Variants in ERBB4 observed in about 807,000 individuals in gnomAD.
ERBB4 encodes erb-b2 receptor tyrosine kinase 4.
ERBB4 carries 42 observed loss-of-function variants against 158.0 expected under a neutral mutation model. The observed-to-expected ratio is 0.27, with a 90% CI of 0.21 to 0.34. The LOEUF is 0.34. ERBB4 is among the 10% of genes least tolerant of loss of function. ERBB4 has a pLI of 1.00. For synonymous variants in ERBB4, 583 were observed against 558.7 expected (o/e 1.04, Z -0.61); for missense variants, 1,333 against 1,624.1 (o/e 0.82, Z 3.08).
chr2:212,071,108 G>T (rs562869011), intron 2 of ERBB4, among the ~76,000 whole-genome samples: 1 of 151,746 alleles, frequency 6.6e-6, no homozygotes, highest in African/African-American at 2.4e-5. Flanking sequence ...GAAGAGGGGG[G>T]TGTTACAAAA....
intron 18 of ERBB4, among the ~76,000 whole-genome samples, chr2:211,623,264 T>C (rs1364192541): frequency 1.3e-5 from 2 of 151,772 alleles, no homozygotes; most frequent in African/African-American, 2.4e-5. Flanking sequence ...ATATCTCTTA[T>C]TGAAAACACA....
At chr2:212,257,334 G>A (rs1402762) in intron 1 of ERBB4, among the ~76,000 whole-genome samples, 58,587 of 151,968 alleles carry the variant, frequency 0.39, 13,201 homozygotes, top group East Asian at 0.74. Flanking sequence ...TCTATGTTTT[G>A]TAATTCTGAA....
intron 25 of ERBB4, among the ~76,000 whole-genome samples, chr2:211,398,832 G>GAAACA (rs564796286): frequency 3.3e-5 from 5 of 152,118 alleles, no homozygotes; most frequent in African/African-American, 1.2e-4. Context: ...CTCTGGCTCA[G>GAAACA]AAACAAAACA....
At chr2:212,170,375 T>C (rs1575741233) in intron 1 of ERBB4, among the ~76,000 whole-genome samples, 2 of 152,214 alleles carry the variant, frequency 1.3e-5, no homozygotes, top group South Asian at 4.1e-4. Flanking sequence ...AAGCAGAGTA[T>C]AAAAGTTTGG....
At chr2:212,074,994 C>T (rs2078232276) in intron 2 of ERBB4, among the ~76,000 whole-genome samples, 1 of 151,888 alleles carries the variant, frequency 6.6e-6, no homozygotes, top group Non-Finnish European at 1.5e-5. Context: ...GTTCAAGTTC[C>T]TAGCTAAATT....
At chr2:212,101,562 C>T (rs1018732119) in intron 2 of ERBB4, among the ~76,000 whole-genome samples, 9 of 151,514 alleles carry the variant, frequency 5.9e-5, no homozygotes, top group Non-Finnish European at 1.3e-4. Flanking sequence ...AAATAATATT[C>T]TAAAGAGCTC....
chr2:212,358,857 T>C (rs1187661446), intron 1 of ERBB4, among the ~76,000 whole-genome samples: 1 of 151,744 alleles, frequency 6.6e-6, no homozygotes, highest in Non-Finnish European at 1.5e-5. Flanking sequence ...TTATGAAACC[T>C]TGTATGTCAA....
intron 2 of ERBB4, among the ~76,000 whole-genome samples, chr2:211,967,193 T>G (rs1352918839): frequency 1.3e-5 from 2 of 152,078 alleles, no homozygotes; most frequent in Admixed American, 6.6e-5. Flanking sequence ...CATTCCCTCA[T>G]TTCCTCATTC....
At chr2:211,749,857 T>A (rs1166145540) in intron 5 of ERBB4, among the ~76,000 whole-genome samples, 1 of 152,156 alleles carries the variant, frequency 6.6e-6, no homozygotes, top group Non-Finnish European at 1.5e-5. Context: ...ATTTTTTCCA[T>A]ATCATATTTC....
At chr2:212,209,095 A>T (rs1474900199) in intron 1 of ERBB4, among the ~76,000 whole-genome samples, 2 of 152,090 alleles carry the variant, frequency 1.3e-5, no homozygotes, top group African/African-American at 4.8e-5. Flanking sequence ...TATATTAGAG[A>T]CTTTCTGACC....
intron 1 of ERBB4, among the ~76,000 whole-genome samples, chr2:212,158,895 T>C (rs1301425695): frequency 6.6e-6 from 1 of 151,972 alleles, no homozygotes; most frequent in Admixed American, 6.6e-5. Flanking sequence ...TACAATATTA[T>C]AGCATACAGA....
Position 212,008,307 on chromosome 2 carries a change from T to C in ERBB4, c.235-60691A>G, listed in dbSNP as rs1235345995. ...TCCCCTACGACACAGTCGAGATTTA[T>C]TTATTTATTTAAGTAATCACTCATT... On this transcript the variant is annotated intron_variant, in intron 2 of 27. Coordinates refer to ENST00000342788, the MANE Select transcript of ERBB4 (RefSeq NM_005235.3). 4.6e-5 allele frequency among the ~76,000 whole-genome samples: 7 copies of C among 152,204 alleles called. No homozygotes were observed. The East Asian group carries it at 1.4e-3, about 29-fold the overall frequency.
Position 212,086,606 on chromosome 2 carries a change from A to G in ERBB4, c.234+38146T>C, listed in dbSNP as rs186065300. Among the ~76,000 whole-genome samples the G allele has an allele frequency of 1.5e-3, 231 of 152,030 alleles. 2 individuals carry two copies. The highest frequency in any genetic ancestry group is 5.3e-4 in the Non-Finnish European group (36 of 67,936). Reference sequence around the variant, plus strand: ...CTACATTTTTGCCCAGTATCAGACAATTTTCAAGTGGCTGATATGGAACCA... The same window carrying G: ...CTACATTTTTGCCCAGTATCAGACAGTTTTCAAGTGGCTGATATGGAACCA... On this transcript the variant is annotated intron_variant, in intron 2 of 27. Transcript: ENST00000342788.
chr2:211,493,995 C>A (rs1310395393), intron 20 of ERBB4, among the ~76,000 whole-genome samples: 1 of 152,110 alleles, frequency 6.6e-6, no homozygotes, highest in Non-Finnish European at 1.5e-5. Context: ...ATACTCCCAA[C>A]ATGGTCAATT....
chr2:211,729,448 A>G (rs552622656), intron 5 of ERBB4, among the ~76,000 whole-genome samples: 72 of 151,926 alleles, frequency 4.7e-4, no homozygotes, highest in Admixed American at 2.4e-3. Flanking sequence ...CATAAAAGGT[A>G]GGCAAAAAGA....
intron 1 of ERBB4, among the ~76,000 whole-genome samples, chr2:212,139,001 G>A (rs185996217): frequency 1.3e-5 from 2 of 152,204 alleles, no homozygotes; most frequent in African/African-American, 2.4e-5. Flanking sequence ...TGGGACTTCA[G>A]AGATCACATG....
intron 2 of ERBB4, among the ~76,000 whole-genome samples, chr2:212,031,734 G>A (rs16847551): frequency 0.053 from 8,117 of 152,134 alleles, 311 homozygotes; most frequent in African/African-American, 0.11. Context: ...GTAACTCTAT[G>A]GACCACATTT....
chr2:211,621,643 A>C (rs1474539713), intron 18 of ERBB4, among the ~76,000 whole-genome samples: 2 of 152,214 alleles, frequency 1.3e-5, no homozygotes, highest in African/African-American at 4.8e-5. Context: ...CCAAGGTTTA[A>C]AATAAAATTT....
At chr2:211,787,604 A>T (rs986965910) in intron 4 of ERBB4, among the ~76,000 whole-genome samples, 3 of 152,270 alleles carry the variant, frequency 2.0e-5, no homozygotes, top group Admixed American at 6.5e-5. Context: ...CTCAATGTTC[A>T]CTAGTTTTTA....
Sources: allele counts gnomAD v4.1 joint callset (sites outside exome capture counted in the v4.1 genomes callset), GRCh38; gene constraint gnomAD v4.1.1; transcripts MANE v1.5; gene names NCBI Gene and HGNC (gene_info 2026-07-23, HGNC 2026-07-21).